The following RFX7 variants were observed in gnomAD, a reference collection of about 807,000 sequenced individuals.
The protein encoded by RFX7 is DNA-binding protein RFX7.
RFX7 carries 26 observed loss-of-function variants against 111.8 expected under a neutral mutation model. The observed-to-expected ratio is 0.23, with a 90% CI of 0.17 to 0.32. The LOEUF is 0.32. Among genes scored for constraint, RFX7 ranks in the 10% least tolerant of loss-of-function variants. The probability of loss-of-function intolerance (pLI) is 1.00; values close to 1 mark genes in which losing one functional copy is unlikely to be tolerated. For synonymous variants in RFX7, 624 were observed against 624.4 expected, an observed-to-expected ratio of 1.00 and a Z score of 0.01; for missense variants, 1,573 against 1,772.9, an observed-to-expected ratio of 0.89 and a Z score of 2.02.
intron 5 of RFX7, among the ~76,000 whole-genome samples, chr15:56,125,971 T>C (rs1187217516): frequency 6.6e-6 from 1 of 152,194 alleles, no homozygotes; most frequent in Non-Finnish European, 1.5e-5. Flanking sequence ...GGAGTCTGTT[T>C]CATAGTTTAT....
intron 2 of RFX7, among the ~76,000 whole-genome samples, chr15:56,223,463 T>C (rs760217386): frequency 3.9e-5 from 6 of 152,172 alleles, no homozygotes; most frequent in Non-Finnish European, 7.4e-5. Context: ...CATAGCCCTA[T>C]GGTTGGCTAT....
intron 3 of RFX7, among the ~76,000 whole-genome samples, chr15:56,148,367 C>T (rs529600657): frequency 2.5e-4 from 38 of 152,324 alleles, no homozygotes; most frequent in African/African-American, 8.7e-4. Context: ...AACAATGCTA[C>T]AAACTTAATG....
At position 56,202,208 on chromosome 15, in the gene RFX7, T is replaced by G. The variant is rs1381803375; in HGVS notation, c.162-22905A>C. Reference sequence around the variant, plus strand: ...CTACAGTCTCACTATCCAATAGAAATATAATACAAACCATAGAAATCTTAA... The same window carrying G: ...CTACAGTCTCACTATCCAATAGAAAGATAATACAAACCATAGAAATCTTAA... On this transcript the variant is annotated intron_variant, in intron 2 of 9. Transcript: ENST00000559447. Among the ~76,000 whole-genome samples the G allele has an allele frequency of 3.3e-5, 5 of 152,162 alleles. No individual in the cohort carries two copies. In the East Asian group the frequency reaches 9.7e-4, roughly 29 times the overall value.
Position 56,094,115 on chromosome 15 carries a change from G to C in RFX7, c.3613C>G (p.His1205Asp). The C allele has an allele frequency of 6.2e-7, 1 of 1,613,964 alleles. No individual in the cohort carries two copies. Reference protein sequence around the residue: ...PFGSPVTPEVHVFTNVHTDAC... With the variant: ...PFGSPVTPEVDVFTNVHTDAC... ...TCTGTGTGAACATTTGTGAAAACAT[G>C]AACTTCTGGGGTAACTGGACTTCCA... is the stretch of plus-strand genomic sequence containing the variant. The change falls in exon 10 of 10, where the codon CAT (histidine) becomes GAT (aspartate). Residue 1205 changes from histidine (H) to aspartate (D), a missense_variant. This residue lies in a region of RFX7 where 411 missense variants were observed against 478.1 expected (regional missense o/e 0.86). Transcript: ENST00000559447.
At chr15:56,182,171 C>A (rs1204344826) in intron 2 of RFX7, among the ~76,000 whole-genome samples, 1 of 152,070 alleles carries the variant, frequency 6.6e-6, no homozygotes, top group African/African-American at 2.4e-5. Context: ...ATAAACTGTA[C>A]TATAAATGTA....
rs1467926878 is a variant in RFX7 at position 56,089,311 on chromosome 15, G to C, written c.*4034C>G. The C allele has an allele frequency of 4.6e-5, 7 of 152,646 alleles. No homozygotes were observed. The highest frequency in any genetic ancestry group is 3.3e-4 in the Admixed American group (5 of 15,270). 9.5% of individuals were successfully genotyped at this position (152,646 alleles called of 1,614,324 possible). A position where few individuals can be genotyped will look rare whatever the true frequency, so the allele number is the denominator to read the frequency against. ...AGGGTATAACATCTGAGCTGTGGCAGCCATCTTGTGACTATGAGGTAATAG... is the reference window on the plus strand; with the variant it reads ...AGGGTATAACATCTGAGCTGTGGCACCCATCTTGTGACTATGAGGTAATAG... On this transcript the variant is annotated 3_prime_UTR_variant, in exon 10 of 10. Transcript: ENST00000559447.
chr15:56,128,904 T>G (rs2042178294), intron 5 of RFX7, among the ~76,000 whole-genome samples: 2 of 152,064 alleles, frequency 1.3e-5, no homozygotes, highest in South Asian at 4.1e-4. Context: ...TTCTATATAT[T>G]GGCAACAACT....
rs1015369792 is a variant in RFX7 at position 56,142,819 on chromosome 15, C to T, written c.360G>A (p.Pro120=). ...CTTCCTGTTTGGGCAGTGAAGTCTC[C>T]GGATGTTCCTCTAGGGTATTCCGAA... ...SWIRNTLEEH[P]ETSLPKQEVY... is the part of the protein sequence containing the mutation. The change falls in exon 5 of 10, where the codon CCG becomes CCA. Residue 120 remains proline (P), a synonymous_variant. Transcript: ENST00000559447. The T allele has an allele frequency of 1.5e-5, 25 of 1,613,214 alleles. No individual in the cohort carries two copies. The highest frequency in any genetic ancestry group is 3.3e-5 in the South Asian group (3 of 90,978).
intron 5 of RFX7, among the ~76,000 whole-genome samples, chr15:56,121,947 C>G (rs1159060606): frequency 6.6e-6 from 1 of 152,158 alleles, no homozygotes; most frequent in Non-Finnish European, 1.5e-5. Context: ...TATTTGAGCT[C>G]CCTCAAAAGA....
At chr15:56,167,148 A>T (rs1297633777) in intron 3 of RFX7, among the ~76,000 whole-genome samples, 1 of 152,052 alleles carries the variant, frequency 6.6e-6, no homozygotes, top group African/African-American at 2.4e-5. Context: ...ATACAAAAAA[A>T]CAAAATTTTT....
chr15:56,109,210 T>C (rs1373850685), intron 5 of RFX7, among the ~76,000 whole-genome samples: 1 of 152,196 alleles, frequency 6.6e-6, no homozygotes, highest in Non-Finnish European at 1.5e-5. Flanking sequence ...CACGCCTGAC[T>C]GGTTTTCGTA....
intron 5 of RFX7, among the ~76,000 whole-genome samples, chr15:56,125,508 G>T (rs1293639915): frequency 1.3e-5 from 2 of 151,668 alleles, no homozygotes; most frequent in South Asian, 4.2e-4. Flanking sequence ...TCATTTATTT[G>T]TATCTTCTTT....
chr15:56,243,049 G>GCCCC, intron 2 of RFX7, 76 bp downstream of exon 2: 1 of 476,996 alleles, frequency 2.1e-6, no homozygotes, highest in Non-Finnish European at 3.8e-6. Context: ...CGCTCCCCCC[G>GCCCC]CCCGCCGCCC....
intron 3 of RFX7, among the ~76,000 whole-genome samples, chr15:56,168,614 C>T (rs1219710672): frequency 1.3e-5 from 2 of 152,130 alleles, no homozygotes; most frequent in South Asian, 2.1e-4. Flanking sequence ...TTGCTAACCA[C>T]CACATTCTTT....
At chr15:56,231,385 T>C (rs1047314922) in intron 2 of RFX7, among the ~76,000 whole-genome samples, 1 of 152,142 alleles carries the variant, frequency 6.6e-6, no homozygotes, top group East Asian at 1.9e-4. Context: ...TTTACAATCA[T>C]GGCAAAAGTC....
chr15:56,110,030 G>A (rs1254442807), intron 5 of RFX7, among the ~76,000 whole-genome samples: 28 of 126,338 alleles, frequency 2.2e-4, no homozygotes, highest in African/African-American at 5.8e-4. Flanking sequence ...CTGCCCGGCC[G>A]CCCCTACTGG....
Position 56,109,616 on chromosome 15 carries a change from G to A in RFX7, c.402-5946C>T, listed in dbSNP as rs1422041896. On this transcript the variant is annotated intron_variant, in intron 5 of 9. Transcript: ENST00000559447. ...AGGAAGTGAGGAGCGCCTCTTCCCT[G>A]CCGCCATCCCATCTAGGAAGTGAGG... Among the ~76,000 whole-genome samples, 630 of 151,894 alleles carry A rather than the reference G, an allele frequency of 4.1e-3. 10 individuals carry two copies. Among genetic ancestry groups the A allele is most frequent in the African/African-American group, 0.015 (609 of 41,394 alleles).
At chr15:56,100,474 T>C (rs375720282) in intron 8 of RFX7, among the ~76,000 whole-genome samples, 1 of 152,204 alleles carries the variant, frequency 6.6e-6, no homozygotes. Flanking sequence ...GGACTCATTA[T>C]TAATGTGTAA....
intron 5 of RFX7, among the ~76,000 whole-genome samples, chr15:56,124,748 C>A (rs186527140): frequency 6.6e-6 from 1 of 152,322 alleles, no homozygotes; most frequent in Admixed American, 6.5e-5. Flanking sequence ...ACATAATGAT[C>A]TGGATATTAA....
Sources: gnomAD v4.1 joint callset for allele counts (sites outside exome capture counted in the v4.1 genomes callset) on GRCh38, gnomAD v4.1.1 for gene constraint, gnomAD v4.1.1 regional missense constraint, MANE v1.5 for transcripts, NCBI Gene and HGNC (gene_info 2026-07-23, HGNC 2026-07-21) for gene names.